SLC2A13: variants seen among roughly 807,000 people sequenced by gnomAD.
SLC2A13 encodes solute carrier family 2 member 13, also known as proton myo-inositol cotransporter.
A neutral mutation model predicts 64.4 loss-of-function variants in SLC2A13; 32 were observed. That is an observed-to-expected ratio of 0.50 (90% CI 0.37 to 0.67). The LOEUF is 0.67. SLC2A13 is among the 30% of genes least tolerant of loss of function. The pLI is 0.00. For missense variants in SLC2A13, 743 were observed against 829.2 expected, an observed-to-expected ratio of 0.90 and a Z score of 1.28; for synonymous variants, 338 against 327.1, an observed-to-expected ratio of 1.03 and a Z score of -0.36.
At chr12:39,863,752 C>T (rs1412226080) in intron 6 of SLC2A13, among the ~76,000 whole-genome samples, 1 of 152,058 alleles carries the variant, frequency 6.6e-6, no homozygotes, top group African/African-American at 2.4e-5. Context: ...TGCTATGATG[C>T]CTATTTTCCA....
At chr12:39,839,827 A>G (rs1164926062) in intron 6 of SLC2A13, among the ~76,000 whole-genome samples, 1 of 152,088 alleles carries the variant, frequency 6.6e-6, no homozygotes, top group Non-Finnish European at 1.5e-5. Context: ...CCAATTGCCC[A>G]GTTATCTGGA....
At chr12:40,068,513 CT>C in intron 1 of SLC2A13, 1 of 250,510 alleles carries the variant, frequency 4.0e-6, no homozygotes. Context: ...CCAGGACATA[CT>C]TTCCACTTTT....
At chr12:39,867,343 G>A (rs1449979834) in intron 5 of SLC2A13, among the ~76,000 whole-genome samples, 1 of 151,962 alleles carries the variant, frequency 6.6e-6, no homozygotes, top group African/African-American at 2.4e-5. Context: ...GGTATGCCTA[G>A]CACATATCCA....
chr12:39,903,875 G>C (rs1486588085), intron 4 of SLC2A13, among the ~76,000 whole-genome samples: 1 of 152,004 alleles, frequency 6.6e-6, no homozygotes, highest in Non-Finnish European at 1.5e-5. Context: ...TATTTACTGG[G>C]GACGTGATGA....
chr12:39,906,515 A>C, intron 4 of SLC2A13, among the ~76,000 whole-genome samples: 1 of 152,160 alleles, frequency 6.6e-6, no homozygotes. Context: ...AACTTGAAAA[A>C]AACAGTTTCA....
intron 4 of SLC2A13, chr12:39,907,782 T>C (rs1053426990): frequency 2.0e-5 from 3 of 152,168 alleles, no homozygotes; most frequent in African/African-American, 7.2e-5. Context: ...GATTAAATTA[T>C]CTTACACGCC....
intron 7 of SLC2A13, among the ~76,000 whole-genome samples, chr12:39,805,866 AAC>A (rs570302884): frequency 7.7e-4 from 117 of 152,338 alleles, no homozygotes; most frequent in Middle Eastern, 3.4e-3. Flanking sequence ...ACATTTTGGA[AAC>A]ACAGGAAGAG....
intron 7 of SLC2A13, among the ~76,000 whole-genome samples, chr12:39,773,454 A>T (rs1940659452): frequency 6.6e-6 from 1 of 152,196 alleles, no homozygotes; most frequent in South Asian, 2.1e-4. Flanking sequence ...TTGAAGGTGG[A>T]ACAATGCTCC....
intron 2 of SLC2A13, among the ~76,000 whole-genome samples, chr12:40,035,519 T>G (rs1390748535): frequency 6.6e-6 from 1 of 152,192 alleles, no homozygotes; most frequent in East Asian, 1.9e-4. Flanking sequence ...TGATGACTGA[T>G]ACACTTGATA....
At chr12:39,849,580 G>T (rs1247974256) in intron 6 of SLC2A13, among the ~76,000 whole-genome samples, 3 of 152,104 alleles carry the variant, frequency 2.0e-5, no homozygotes, top group African/African-American at 7.2e-5. Flanking sequence ...TTGTTCCTTT[G>T]TGACTCTTCC....
In SLC2A13 at chr12:39,837,404, C is replaced by T. The variant is rs865896145; in HGVS notation, c.1320-7176G>A. Reference sequence around the variant, plus strand: ...TAAAAACCCTAGAAGAAAACCTAGGCATTACCATTCAGGACATAGGCATGG... The same window carrying T: ...TAAAAACCCTAGAAGAAAACCTAGGTATTACCATTCAGGACATAGGCATGG... On this transcript the variant is annotated intron_variant, in intron 6 of 9. Coordinates refer to ENST00000280871, the MANE Select transcript of SLC2A13 (RefSeq NM_052885.4). 6.4e-3 allele frequency among the ~76,000 whole-genome samples: 860 copies of T among 135,032 alleles called. 7 individuals are homozygous for T. Among genetic ancestry groups the T allele is most frequent in the Middle Eastern group, 0.036 (10 of 274 alleles). The allele number at this position is 135,032 out of a possible 152,430, so 88.6% of individuals were successfully genotyped here.
At chr12:40,001,499 C>T in intron 3 of SLC2A13, among the ~76,000 whole-genome samples, 1 of 152,096 alleles carries the variant, frequency 6.6e-6, no homozygotes. Flanking sequence ...TTTTTCATTT[C>T]ACTCTCCCAA....
chr12:39,896,887 C>G (rs553390949), intron 4 of SLC2A13, among the ~76,000 whole-genome samples: 1 of 152,022 alleles, frequency 6.6e-6, no homozygotes, highest in East Asian at 1.9e-4. Flanking sequence ...AGTGAAAACA[C>G]GTGTCCTTTT....
intron 3 of SLC2A13, among the ~76,000 whole-genome samples, chr12:39,981,216 A>G (rs1456307509): frequency 2.0e-5 from 3 of 150,274 alleles, no homozygotes; most frequent in African/African-American, 4.9e-5. Context: ...CCCACAAGAG[A>G]AAGCAGGAAA....
intron 1 of SLC2A13, among the ~76,000 whole-genome samples, chr12:40,073,000 C>T (rs1938022452): frequency 6.6e-6 from 1 of 152,060 alleles, no homozygotes. Flanking sequence ...ACTCCTTTCT[C>T]ACCACATTGG....
intron 2 of SLC2A13, among the ~76,000 whole-genome samples, chr12:40,035,508 C>T (rs11564200): frequency 1.3e-5 from 2 of 152,318 alleles, no homozygotes; most frequent in South Asian, 2.1e-4. Flanking sequence ...GACATGCACC[C>T]TGATGACTGA....
At chr12:39,894,810 G>T (rs528526361) in intron 4 of SLC2A13, among the ~76,000 whole-genome samples, 1 of 152,092 alleles carries the variant, frequency 6.6e-6, no homozygotes, top group East Asian at 1.9e-4. Flanking sequence ...GCAGGGAGAT[G>T]CAAGAAAGAT....
At chr12:39,934,665 G>A (rs923978444) in intron 4 of SLC2A13, among the ~76,000 whole-genome samples, 1 of 152,212 alleles carries the variant, frequency 6.6e-6, no homozygotes, top group Non-Finnish European at 1.5e-5. Flanking sequence ...AATCCAGGAG[G>A]AGGCTGTTAA....
At chr12:40,019,325 G>A (rs1452897682) in intron 3 of SLC2A13, among the ~76,000 whole-genome samples, 3 of 151,628 alleles carry the variant, frequency 2.0e-5, no homozygotes, top group Non-Finnish European at 4.4e-5. Flanking sequence ...TGATTGTTAG[G>A]TTCTAAGCTC....
Sources: allele counts gnomAD v4.1 joint callset (sites outside exome capture counted in the v4.1 genomes callset), GRCh38; gene constraint gnomAD v4.1.1; transcripts MANE v1.5; gene names NCBI Gene and HGNC (gene_info 2026-07-23, HGNC 2026-07-21).